KANK2: variants seen among roughly 807,000 people sequenced by gnomAD.
The protein encoded by KANK2 is KN motif and ankyrin repeat domain-containing protein 2.
Under a neutral mutation model 74.6 loss-of-function variants are expected in KANK2, and 41 were observed. That is an observed-to-expected ratio of 0.55 (90% CI 0.43 to 0.71). KANK2 has a LOEUF of 0.71. Among genes scored for constraint, KANK2 ranks in the 30% least tolerant of loss-of-function variants. KANK2 has a pLI of 0.00. For missense variants in KANK2, 1,148 were observed against 1,196.4 expected (o/e 0.96, Z 0.60); for synonymous variants, 537 against 519.0 (o/e 1.03, Z -0.47).
intron 1 of KANK2, chr19:11,197,115 A>C (rs2079043153): frequency 6.6e-6 from 1 of 152,162 alleles, no homozygotes; most frequent in Admixed American, 6.6e-5. Flanking sequence ...GAGGGGGGAC[A>C]GTGCGGGGAG....
In KANK2 at chr19:11,173,059, G is replaced by A. The variant is rs1267503307; in HGVS notation, c.2133C>T (p.Ala711=). The A allele has an allele frequency of 5.0e-6, 8 of 1,614,042 alleles. No individual in the cohort carries two copies. The highest frequency in any genetic ancestry group is 1.1e-5 in the South Asian group (1 of 91,086). The change falls in exon 10 of 13, where the codon GCC becomes GCT. Residue 711 remains alanine, a synonymous_variant. Coordinates refer to ENST00000586659, the MANE Select transcript of KANK2 (RefSeq NM_001136191.3). ...GYSPIMLTAL[A]TLKTQDDIET... is the part of the protein sequence containing the mutation. ...CGATGTCGTCCTGGGTCTTCAGGGTGGCCAGGGCGGTGAGCATAATAGGGC... is the reference window on the plus strand; with the variant it reads ...CGATGTCGTCCTGGGTCTTCAGGGTAGCCAGGGCGGTGAGCATAATAGGGC...
In KANK2 at chr19:11,178,458, G is replaced by T. The variant is rs1161390328; in HGVS notation, c.1418-11C>A. ...CTGCCGGGGGCCCGCCTGGAGGGGA[G>T]GACAGCGGAGGTGCTGTGAGAGTCC... On this transcript the variant is annotated splice_polypyrimidine_tract_variant and intron_variant, in intron 5 of 12. Coordinates refer to ENST00000586659, the MANE Select transcript of KANK2 (RefSeq NM_001136191.3). The T allele has an allele frequency of 1.9e-6, 3 of 1,599,694 alleles. No individual in the cohort carries two copies. Among genetic ancestry groups the T allele is most frequent in the Non-Finnish European group, 2.6e-6 (3 of 1,174,924 alleles).
chr19:11,182,757 C>A (rs1442183033), intron 4 of KANK2, among the ~76,000 whole-genome samples: 1 of 143,470 alleles, frequency 7.0e-6, no homozygotes, highest in African/African-American at 2.6e-5. Flanking sequence ...GCAGGAGAAT[C>A]GCTTGAACCC....
At chr19:11,175,434 AAAAAAAAAAAAAAAAAAAAAAAG>A (rs1191899402) in intron 8 of KANK2, among the ~76,000 whole-genome samples, 1 of 146,424 alleles carries the variant, frequency 6.8e-6, no homozygotes, top group East Asian at 2.0e-4. Flanking sequence ...TCTCAAAAAA[AAAAAAAAAAAAAAAAAAAAAAAG>A]AATTTTTTTG....
chr19:11,193,183 C>T lies in KANK2; in HGVS notation c.897G>A (p.Ala299=), dbSNP rs754854938. 21 of 1,610,274 alleles carry T rather than the reference C, an allele frequency of 1.3e-5. No homozygotes were observed. Among genetic ancestry groups the T allele is most frequent in the African/African-American group, 5.3e-5 (4 of 75,026 alleles). Residue 299 remains alanine (A), a synonymous_variant, in exon 4 of 13, where the codon GCG becomes GCA. Coordinates refer to ENST00000586659, the MANE Select transcript of KANK2 (RefSeq NM_001136191.3). This position sits in a 1 kb window ranked among gnomAD's most constrained non-coding sequence, Gnocchi z 9.6. ...CCTGAGCTGCCTGCAGCTCCTGCAG[C>T]GCCTTCTTGAGCTGGGTCTCCAGCA... ...VAVLETQLKK[A]LQELQAAQAR...
At chr19:11,168,005 GTTTTTTTTTT>G (rs528176321) in intron 12 of KANK2, among the ~76,000 whole-genome samples, 2 of 115,034 alleles carry the variant, frequency 1.7e-5, no homozygotes, top group Admixed American at 1.0e-4. Context: ...CCACGTCCTT[GTTTTTTTTTT>G]TTTTTTTTTT....
chr19:11,191,516 C>T (rs1338276851), intron 4 of KANK2, among the ~76,000 whole-genome samples: 1 of 152,226 alleles, frequency 6.6e-6, no homozygotes, highest in South Asian at 2.1e-4. Flanking sequence ...GCTCCCCTAC[C>T]CCCGGCGTCC....
At chr19:11,167,024 G>A (rs1427942845) in intron 12 of KANK2, among the ~76,000 whole-genome samples, 1 of 152,150 alleles carries the variant, frequency 6.6e-6, no homozygotes, top group East Asian at 1.9e-4. Context: ...AGGTGAGGGT[G>A]GTTGTGCAGG....
Position 11,193,098 on chromosome 19 carries a change from C to G in KANK2, c.982G>C (p.Asp328His). The change falls in exon 4 of 13, where the codon GAT (aspartate) becomes CAT (histidine). Residue 328 changes from aspartate (D) to histidine (H), a missense_variant. Transcript: ENST00000586659. This position sits in a 1 kb window ranked among gnomAD's most constrained non-coding sequence, Gnocchi z 9.6. ...GGCCCTTCTACCACCCGGACTGTAT[C>G]CACGCGGACCGGGCTGTCCGGCGGT... ...WPPPDSPVRV[D>H]TVRVVEGPRE... 1 of 1,606,986 alleles carries G rather than the reference C, an allele frequency of 6.2e-7. No individual in the cohort carries two copies.
intron 4 of KANK2, among the ~76,000 whole-genome samples, chr19:11,184,937 C>CG (rs773321269): frequency 6.8e-6 from 1 of 148,038 alleles, no homozygotes; most frequent in Non-Finnish European, 1.5e-5. Flanking sequence ...CTCAGCCTCC[C>CG]GAGTAGCTGG....
chr19:11,188,295 G>A (rs563972138), intron 4 of KANK2, among the ~76,000 whole-genome samples: 52 of 151,422 alleles, frequency 3.4e-4, no homozygotes, highest in African/African-American at 9.9e-4. Flanking sequence ...TGCAATTTCC[G>A]CCTCCCCGGT....
At chr19:11,190,410 G>A (rs767747467) in intron 4 of KANK2, among the ~76,000 whole-genome samples, 5 of 152,114 alleles carry the variant, frequency 3.3e-5, no homozygotes, top group Non-Finnish European at 7.4e-5. Context: ...TTACAGGCCT[G>A]ATGTTCTGGG....
At chr19:11,178,293 A>C in intron 6 of KANK2, 52 bp downstream of exon 6, 1 of 1,112,624 alleles carries the variant, frequency 9.0e-7, no homozygotes, top group Non-Finnish European at 1.1e-6. Context: ...GCGTGGATGA[A>C]TGGAGGAGGG....
At position 11,173,035 on chromosome 19, in the gene KANK2, G is replaced by A. The variant is rs375561800; in HGVS notation, c.2157C>T (p.Ile719=). The A allele has an allele frequency of 1.4e-5, 22 of 1,614,010 alleles. No homozygotes were observed. In the African/African-American group the frequency reaches 2.5e-4, roughly 19 times the overall value. ...GCCGGAAGAGCTGAAGGACAGTCTC[G>A]ATGTCGTCCTGGGTCTTCAGGGTGG... The part of the protein sequence containing the change: ...ALATLKTQDD[I]ETVLQLFRLG... The change falls in exon 10 of 13, where the codon ATC becomes ATT. Residue 719 remains isoleucine (I), a synonymous_variant. Coordinates refer to ENST00000586659, the MANE Select transcript of KANK2 (RefSeq NM_001136191.3).
intron 12 of KANK2, 134 bp from the exon 13 acceptor site, chr19:11,166,745 G>T (rs537362551): frequency 1.3e-6 from 1 of 754,876 alleles, no homozygotes. Flanking sequence ...AGGAGGTGGC[G>T]ATCTGGGGGC....
chr19:11,169,780 G>T, intron 12 of KANK2, 97 bp downstream of exon 12: 2 of 1,037,630 alleles, frequency 1.9e-6, no homozygotes, highest in South Asian at 1.4e-5. Context: ...CACCCTGGGC[G>T]ACAGAGTGAG....
chr19:11,180,399 A>AT (rs555980942), intron 4 of KANK2, among the ~76,000 whole-genome samples: 3,223 of 147,262 alleles, frequency 0.022, 95 homozygotes, highest in African/African-American at 0.07. Flanking sequence ...CCAGCCTTAA[A>AT]TTTTTTTTTT....
chr19:11,187,827 C>T (rs374858827), intron 4 of KANK2, among the ~76,000 whole-genome samples: 19 of 152,126 alleles, frequency 1.2e-4, no homozygotes, highest in Non-Finnish European at 2.4e-4. Context: ...GTGGCACACG[C>T]CTGCAATCCC....
In KANK2 at chr19:11,189,104, C is replaced by CG. The variant is rs942639175; in HGVS notation, c.1249+3726_1249+3727insC. ...TTGACATGAATTGATTCTCTCCCCC[C>CG]CCACCCCCGCCCACAAGATTGGTCT... is the stretch of plus-strand genomic sequence containing the variant. On this transcript the variant is annotated intron_variant, in intron 4 of 12. Coordinates refer to ENST00000586659, the MANE Select transcript of KANK2 (RefSeq NM_001136191.3). Among the ~76,000 whole-genome samples the CG allele has an allele frequency of 1.0e-4, 14 of 134,750 alleles. 1 individual carries two copies. The highest frequency in any genetic ancestry group is 2.8e-4 in the South Asian group (1 of 3,510). 88.4% of individuals were successfully genotyped at this position (134,750 alleles called of 152,430 possible).
Sources: gnomAD v4.1 joint callset for allele counts (sites outside exome capture counted in the v4.1 genomes callset) on GRCh38, gnomAD v4.1.1 for gene constraint, Gnocchi (gnomAD v3.1) non-coding constraint, MANE v1.5 for transcripts, NCBI Gene and HGNC (gene_info 2026-07-23, HGNC 2026-07-21) for gene names.